SLC12A8: variants seen among roughly 807,000 people sequenced by gnomAD.
SLC12A8 encodes the protein cation-chloride cotransporter 9.
A neutral mutation model predicts 75.6 loss-of-function variants in SLC12A8; 69 were observed. The ratio of observed to expected loss-of-function variants is 0.91; its 90% confidence interval spans 0.75 to 1.11. The LOEUF (loss-of-function observed/expected upper bound fraction) is 1.11, where lower values mean the gene tolerates loss of function less well. Ranked by LOEUF, SLC12A8 falls within the 50% of genes most tolerant of loss-of-function variation. SLC12A8 has a pLI of 0.00. For missense variants in SLC12A8, 877 were observed against 896.7 expected (o/e 0.98, Z 0.28); for synonymous variants, 365 against 372.8 (o/e 0.98, Z 0.24).
At chr3:125,211,533 G>A (rs1935337228) in intron 1 of SLC12A8, 139 bp from the exon 2 acceptor site, 2 of 636,750 alleles carry the variant, frequency 3.1e-6, no homozygotes, top group Non-Finnish European at 5.6e-6. Context: ...ACCTCATCTG[G>A]AAACTTGGCC....
intron 2 of SLC12A8, among the ~76,000 whole-genome samples, chr3:125,197,629 A>C (rs1400776136): frequency 6.6e-6 from 1 of 152,120 alleles, no homozygotes; most frequent in Non-Finnish European, 1.5e-5. Flanking sequence ...GCTCATTGTC[A>C]CTGAGTGGAC....
intron 5 of SLC12A8, among the ~76,000 whole-genome samples, chr3:125,175,635 A>T (rs953826274): frequency 6.6e-6 from 1 of 152,156 alleles, no homozygotes; most frequent in Non-Finnish European, 1.5e-5. Flanking sequence ...TGGAGGGGGA[A>T]GTACAAGGAA....
chr3:125,155,633 C>A (rs1273409451), intron 5 of SLC12A8, among the ~76,000 whole-genome samples: 1 of 41,144 alleles, frequency 2.4e-5, no homozygotes, highest in Non-Finnish European at 6.9e-5. Context: ...TAGCTGTAGT[C>A]CCAGCTACTC....
rs1938506475 is a variant in SLC12A8, at chr3:125,088,158, G to A, written c.1982+152C>T. On this transcript the variant is annotated intron_variant, in intron 13 of 13. Transcript: ENST00000469902. ...GGCCGAGTGTGGTGGAGTGCACGCA[G>A]GAGCAACATCTGAGTCTCCCGGAGG... is the stretch of plus-strand genomic sequence containing the variant. 6.0e-6 allele frequency: 4 copies of A among 667,368 alleles called. No individual in the cohort carries two copies. In the East Asian group the frequency reaches 1.1e-4, roughly 18 times the overall value. The allele number at this position is 667,368 out of a possible 1,614,324, so 41.3% of individuals were successfully genotyped here.
intron 3 of SLC12A8, among the ~76,000 whole-genome samples, chr3:125,187,885 C>T (rs1934826179): frequency 6.6e-6 from 1 of 152,254 alleles, no homozygotes; most frequent in South Asian, 2.1e-4. Flanking sequence ...GAAGCTGGCC[C>T]TGTAACCCTT....
At chr3:125,200,011 A>G (rs951774443) in intron 2 of SLC12A8, among the ~76,000 whole-genome samples, 1 of 152,214 alleles carries the variant, frequency 6.6e-6, no homozygotes, top group Non-Finnish European at 1.5e-5. Flanking sequence ...AGTGAGAACA[A>G]TTAGAAGACA....
chr3:125,084,579 T>C (rs1395283295), intron 13 of SLC12A8, among the ~76,000 whole-genome samples: 1 of 152,172 alleles, frequency 6.6e-6, no homozygotes, highest in East Asian at 1.9e-4. Flanking sequence ...GAAGAGCAAG[T>C]CCCATATGGA....
chr3:125,128,170 T>G (rs1471339325), intron 6 of SLC12A8, among the ~76,000 whole-genome samples: 1 of 134,936 alleles, frequency 7.4e-6, no homozygotes, highest in South Asian at 2.4e-4. Context: ...GTGCCCGGCC[T>G]AAGCTTATTT....
At chr3:125,182,997 G>T (rs1934699713) in intron 4 of SLC12A8, among the ~76,000 whole-genome samples, 1 of 152,086 alleles carries the variant, frequency 6.6e-6, no homozygotes, top group Non-Finnish European at 1.5e-5. Flanking sequence ...AACTGTCAAA[G>T]AATTTTATTA....
At chr3:125,204,850 G>A (rs979922057) in intron 2 of SLC12A8, among the ~76,000 whole-genome samples, 10 of 151,940 alleles carry the variant, frequency 6.6e-5, no homozygotes, top group Admixed American at 5.9e-4. Flanking sequence ...CCATAAATAC[G>A]TATAATTATT....
rs116805990 is a variant in SLC12A8 at position 125,172,791 on chromosome 3, T to C, written c.622+4952A>G. Among the ~76,000 whole-genome samples the C allele has an allele frequency of 2.5e-3, 380 of 152,306 alleles. 3 individuals are homozygous for C. Among genetic ancestry groups the C allele is most frequent in the African/African-American group, 8.8e-3 (366 of 41,560 alleles). On this transcript the variant is annotated intron_variant, in intron 5 of 13. Coordinates refer to ENST00000469902, the MANE Select transcript of SLC12A8 (RefSeq NM_024628.6). ...CATTTTTACATTATACATTTCAGGA[T>C]TGTTTGGAATTGTTTCGTTGTTTAT...
At chr3:125,114,756 T>C (rs193091731) in intron 8 of SLC12A8, among the ~76,000 whole-genome samples, 1 of 152,200 alleles carries the variant, frequency 6.6e-6, no homozygotes, top group African/African-American at 2.4e-5. Flanking sequence ...TTGGGATATT[T>C]TTCCTTCTTA....
chr3:125,191,458 T>C (rs1301456994), intron 2 of SLC12A8, among the ~76,000 whole-genome samples: 1 of 112,924 alleles, frequency 8.9e-6, no homozygotes, highest in Non-Finnish European at 1.6e-5. Context: ...CACAAACGAC[T>C]ACAGCAGTGA....
chr3:125,094,773 A>G (rs1424903280), intron 10 of SLC12A8, among the ~76,000 whole-genome samples: 1 of 152,148 alleles, frequency 6.6e-6, no homozygotes, highest in Non-Finnish European at 1.5e-5. Context: ...TTATTTCCTC[A>G]ACCCACTCTT....
rs1317057307 is a variant in SLC12A8, at chr3:125,084,038, G to C, written c.1997C>G (p.Pro666Arg). The change falls in exon 14 of 14, where the codon CCT becomes CGT. Residue 666 changes from proline to arginine, a missense_variant. By Grantham distance (103) the Pro-to-Arg change is moderately radical. Coordinates refer to ENST00000469902, the MANE Select transcript of SLC12A8 (RefSeq NM_024628.6). ...LLPSCRSLRS[P>R]QEQIILAPSL... ...CGGCGCCAAGATGATCTGCTCCTGA[G>C]GGGACCGCAAGCTCCTGCAGTGAGA... 6.2e-7 allele frequency: 1 copy of C among 1,611,316 alleles called. No individual in the cohort carries two copies. The highest frequency in any genetic ancestry group is 1.1e-5 in the South Asian group (1 of 90,394).
intron 5 of SLC12A8, among the ~76,000 whole-genome samples, chr3:125,137,705 C>G (rs910733371): frequency 3.9e-5 from 6 of 152,254 alleles, no homozygotes; most frequent in African/African-American, 1.4e-4. Context: ...AGGGCTTTGC[C>G]CTGGCCAGCC....
At chr3:125,096,372 T>C (rs1938712448) in intron 10 of SLC12A8, among the ~76,000 whole-genome samples, 1 of 152,244 alleles carries the variant, frequency 6.6e-6, no homozygotes, top group South Asian at 2.1e-4. Context: ...GGTATTTGCT[T>C]GTTTATCATA....
chr3:125,204,278 C>T (rs1935184609), intron 2 of SLC12A8, among the ~76,000 whole-genome samples: 1 of 152,208 alleles, frequency 6.6e-6, no homozygotes, highest in South Asian at 2.1e-4. Flanking sequence ...GGGATGCCTG[C>T]ACACCCATGT....
chr3:125,153,748 C>G (rs1427835801), intron 5 of SLC12A8, among the ~76,000 whole-genome samples: 2 of 152,240 alleles, frequency 1.3e-5, no homozygotes, highest in East Asian at 3.9e-4. Flanking sequence ...AAGCGATTCT[C>G]CTGCCTCACC....
Sources: allele counts gnomAD v4.1 joint callset (sites outside exome capture counted in the v4.1 genomes callset), GRCh38; gene constraint gnomAD v4.1.1; transcripts MANE v1.5; gene names NCBI Gene and HGNC (gene_info 2026-07-23, HGNC 2026-07-21).